The following MYBBP1A variants were observed in gnomAD, a reference collection of about 807,000 sequenced individuals.
The protein encoded by MYBBP1A is MYB binding protein 1a, also known as myb-binding protein 1A.
A neutral mutation model predicts 136.3 loss-of-function variants in MYBBP1A; 147 were observed. That is an observed-to-expected ratio of 1.08 (90% confidence interval 0.94 to 1.24). MYBBP1A has a LOEUF of 1.24. MYBBP1A is among the 50% of genes most tolerant of loss of function. MYBBP1A has a pLI of 0.00. For missense variants in MYBBP1A, 2,060 were observed against 1,727.4 expected, an observed-to-expected ratio of 1.19 and a Z score of -3.41; for synonymous variants, 947 against 735.8, an observed-to-expected ratio of 1.29 and a Z score of -4.65.
Position 4,550,344 on chromosome 17 carries a change from G to A in MYBBP1A, c.1033C>T (p.Gln345Ter), listed in dbSNP as rs1159245477. ...EHVCTAKLPK[Q>*]FKFAPEMDDY... ...TCCATCTCTGGGGCAAACTTGAACT[G>A]CTTTGGGAGCTGCAAGAGTTAGGCA... The change falls in exon 9 of 26, where the codon CAG becomes TAG. Residue 345 changes from glutamine (Q) to a stop codon, truncating the protein, a stop_gained. Coordinates refer to ENST00000254718, the MANE Select transcript of MYBBP1A (RefSeq NM_014520.4). LOFTEE classifies it high-confidence loss of function. The A allele has an allele frequency of 6.2e-7, 1 of 1,610,824 alleles. No individual in the cohort carries two copies. Among genetic ancestry groups the A allele is most frequent in the South Asian group, 1.1e-5 (1 of 90,972 alleles).
At position 4,548,952 on chromosome 17, in the gene MYBBP1A, G is replaced by A. The variant is rs1907257528; in HGVS notation, c.1431-303C>T. On this transcript the variant is annotated intron_variant, in intron 10 of 25. Transcript: ENST00000254718. The surrounding 1 kb of genome is among the most constrained non-coding windows in gnomAD (Gnocchi z 4.2). ...AGGCTGTGTGGTCATGGCCAAGTCA[G>A]GTCACTGCTCCTGCGAACATGGGAC... 6.6e-6 allele frequency among the ~76,000 whole-genome samples: 1 copy of A among 152,250 alleles called. No individual in the cohort carries two copies. The highest frequency in any genetic ancestry group is 2.4e-5 in the African/African-American group (1 of 41,464).
In MYBBP1A at chr17:4,542,515, C is replaced by A. The variant is rs552703584; in HGVS notation, c.3036G>T (p.Leu1012=). ...FSRHPVLCQS[L]LPILVQHITG... ...TGATATGCTGGACCAGGATGGGGAG[C>A]AGGCTCTGACAGAGCACCTGGTGGG... Residue 1012 remains leucine, a synonymous_variant, in exon 22 of 26, where the codon CTG becomes CTT. Coordinates refer to ENST00000254718, the MANE Select transcript of MYBBP1A (RefSeq NM_014520.4). 8.7e-6 allele frequency: 14 copies of A among 1,611,932 alleles called. No individual in the cohort carries two copies. In the East Asian group the frequency reaches 3.1e-4, roughly 36 times the overall value.
intron 15 of MYBBP1A, 52 bp downstream of exon 15, chr17:4,545,558 C>T (rs2306267): frequency 0.61 from 943,165 of 1,535,154 alleles, 305,498 homozygotes; most frequent in Non-Finnish European, 0.67. Flanking sequence ...TGGTGCAGCT[C>T]GCTGCTCAGT....
rs1470510145 is a variant in MYBBP1A, at chr17:4,539,905, C to CTGATGG, written c.3491_3496dup (p.Ile1165_Ser1166insThrIle). On this transcript the variant is annotated inframe_insertion, in exon 26 of 26. Transcript: ENST00000254718. ...GAATCCCTTTTTCTTCCGCTTCTTA[C>CTGATGG]TGATGGGGCTCTGGGTGGCACTGGG... 4.4e-6 allele frequency: 7 copies of CTGATGG among 1,600,612 alleles called. No homozygotes were observed. The highest frequency in any genetic ancestry group is 1.3e-5 in the African/African-American group (1 of 74,910).
chr17:4,554,624 G>C (rs1907862235), intron 2 of MYBBP1A, among the ~76,000 whole-genome samples: 1 of 152,208 alleles, frequency 6.6e-6, no homozygotes, highest in Non-Finnish European at 1.5e-5. Flanking sequence ...CTCCCAGAAA[G>C]TGTACCTAAG....
At chr17:4,543,924 G>C (rs1374935491) in intron 19 of MYBBP1A, among the ~76,000 whole-genome samples, 1 of 152,120 alleles carries the variant, frequency 6.6e-6, no homozygotes, top group East Asian at 1.9e-4. Context: ...ATGCCTCTGT[G>C]GCCTCCAGCA....
rs150880464 is a variant in MYBBP1A, at chr17:4,539,805, G to A, written c.3597C>T (p.Ala1199=). 740 of 1,612,028 alleles carry A rather than the reference G, an allele frequency of 4.6e-4. No homozygotes were observed. The highest frequency in any genetic ancestry group is 5.9e-4 in the Non-Finnish European group (696 of 1,179,986). ...GTPAEDGTPA[A]TGGSQPPSMG... The stretch of plus-strand genomic sequence containing the variant: ...TGCTGGGGGGCTGGCTCCCGCCGGT[G>A]GCTGCAGGTGTGCCATCCTCCGCTG... Residue 1199 remains alanine, a synonymous_variant, in exon 26 of 26, where the codon GCC becomes GCT. Coordinates refer to ENST00000254718, the MANE Select transcript of MYBBP1A (RefSeq NM_014520.4).
At chr17:4,546,592 T>C (rs1012480199) in intron 13 of MYBBP1A, among the ~76,000 whole-genome samples, 2 of 152,220 alleles carry the variant, frequency 1.3e-5, no homozygotes, top group African/African-American at 4.8e-5. Flanking sequence ...AATTCTAGAT[T>C]ATTCCCTCCA....
chr17:4,547,519 A>G (rs972734967), intron 13 of MYBBP1A, among the ~76,000 whole-genome samples: 4 of 152,350 alleles, frequency 2.6e-5, no homozygotes, highest in African/African-American at 2.4e-5. Context: ...AGCAGCCCCA[A>G]TAAGAGCAGC....
At chr17:4,540,299 GGTGTTCCCAGCCCCTACCCAAGGTGT>G (rs750228276) in intron 25 of MYBBP1A, 23 bp downstream of exon 25, 7 of 1,555,620 alleles carry the variant, frequency 4.5e-6, no homozygotes, top group Admixed American at 3.6e-5. Context: ...GCAGCGTGAG[GGTGTTCCCAGCCCCTACCCAAGGTGT>G]GTGTCCCCCT....
At position 4,543,109 on chromosome 17, in the gene MYBBP1A, G is replaced by A. The variant is rs1597379275; in HGVS notation, c.2696C>T (p.Ala899Val). The A allele has an allele frequency of 6.2e-7, 1 of 1,612,276 alleles. No individual in the cohort carries two copies. The highest frequency in any genetic ancestry group is 8.5e-7 in the Non-Finnish European group (1 of 1,179,480). Residue 899 changes from alanine to valine, a missense_variant, in exon 20 of 26, where the codon GCC (alanine) becomes GTC (valine). Physicochemically the swap from Ala to Val is moderately conservative, Grantham distance 64. Coordinates refer to ENST00000254718, the MANE Select transcript of MYBBP1A (RefSeq NM_014520.4). ...YCHDLGERAGALHAQVERLVQ... is the reference protein window; with the variant it reads ...YCHDLGERAGVLHAQVERLVQ... ...CAACCGCTCCACCTGGGCGTGCAGG[G>A]CCCCTGCGCGCTCACCCAAGTCGTG...
intron 19 of MYBBP1A, 113 bp downstream of exon 19, chr17:4,544,376 A>G (rs2144445666): frequency 2.1e-6 from 3 of 1,405,886 alleles, no homozygotes; most frequent in Non-Finnish European, 2.9e-6. Context: ...CTAGGGGCCC[A>G]GGCTGGAAGC....
In MYBBP1A at chr17:4,548,688, C is replaced by T. The variant is rs1371586689; in HGVS notation, c.1431-39G>A. ...GAGAGTGGCCATAGCCATTCACTGC[C>T]ATTGGTTTTTACAGGCTCCCCTCCT... On this transcript the variant is annotated intron_variant, in intron 10 of 25. Coordinates refer to ENST00000254718, the MANE Select transcript of MYBBP1A (RefSeq NM_014520.4). The surrounding 1 kb of genome is among the most constrained non-coding windows in gnomAD (Gnocchi z 4.2). The T allele has an allele frequency of 3.1e-6, 5 of 1,612,844 alleles. No individual in the cohort carries two copies. The Admixed American group carries it at 6.7e-5, about 22-fold the overall frequency.
At chr17:4,545,489 G>A in intron 15 of MYBBP1A, 121 bp downstream of exon 15, 1 of 1,491,890 alleles carries the variant, frequency 6.7e-7, no homozygotes, top group Non-Finnish European at 9.0e-7. Flanking sequence ...GCCTCGTTGA[G>A]ACCCCTCCCA....
At position 4,553,798 on chromosome 17, in the gene MYBBP1A, G is replaced by A. The variant is rs1567614760; in HGVS notation, c.561+12C>T. The A allele has an allele frequency of 6.2e-7, 1 of 1,611,092 alleles. No homozygotes were observed. Among genetic ancestry groups the A allele is most frequent in the Non-Finnish European group, 8.5e-7 (1 of 1,177,564 alleles). ...AGTGTTGCCTGGGCCCGCACAGCTG[G>A]GGAGCTCATACCTCGGAGAGGATGT... On this transcript the variant is annotated intron_variant, in intron 5 of 25. Coordinates refer to ENST00000254718, the MANE Select transcript of MYBBP1A (RefSeq NM_014520.4).
In MYBBP1A at chr17:4,539,050, C is replaced by T. The variant is rs1906074081; in HGVS notation, c.*365G>A. 1.9e-6 allele frequency: 2 copies of T among 1,080,664 alleles called. No homozygotes were observed. The highest frequency in any genetic ancestry group is 2.4e-5 in the East Asian group (1 of 42,454). The allele number at this position is 1,080,664 out of a possible 1,614,324, so 66.9% of individuals were successfully genotyped here. ...TATTTAAATCACCCCCTGGTGGCTC[C>T]CTCACAGCAAAAAAGCCTGGGGGCA... On this transcript the variant is annotated 3_prime_UTR_variant, in exon 26 of 26. Transcript: ENST00000254718.
chr17:4,543,075 C>CT lies in MYBBP1A; in HGVS notation c.2729dup (p.Ala911GlyfsTer30), dbSNP rs1305257518. On this transcript the variant is annotated frameshift_variant, in exon 20 of 26. Transcript: ENST00000254718. LOFTEE classifies it high-confidence loss of function. ...TGGGGGAGTCGGGCTGGCGGCCAGC[C>CT]TGCTGCACCAACCGCTCCACCTGGG... The CT allele has an allele frequency of 6.2e-7, 1 of 1,613,148 alleles. No homozygotes were observed. Among genetic ancestry groups the CT allele is most frequent in the African/African-American group, 1.3e-5 (1 of 74,938 alleles).
chr17:4,540,105 G>C lies in MYBBP1A; in HGVS notation c.3435-138C>G. ...TGAGGCCCCTATGAGGGTCCCGTGA[G>C]GGTCCTATGAGGGTCCTGCGAGGCC... On this transcript the variant is annotated intron_variant, in intron 25 of 25. Transcript: ENST00000254718. 5 of 1,221,658 alleles carry C rather than the reference G, an allele frequency of 4.1e-6. No homozygotes were observed. The South Asian group carries it at 7.3e-5, about 18-fold the overall frequency. The allele number at this position is 1,221,658 out of a possible 1,614,324, so 75.7% of individuals were successfully genotyped here.
At position 4,539,720 on chromosome 17, in the gene MYBBP1A, G is replaced by A. The variant is rs1906174558; in HGVS notation, c.3682C>T (p.Pro1228Ser). Residue 1228 changes from proline to serine, a missense_variant, in exon 26 of 26, where the codon CCA becomes TCA. Physicochemically the swap from Pro to Ser is moderately conservative, Grantham distance 74. Coordinates refer to ENST00000254718, the MANE Select transcript of MYBBP1A (RefSeq NM_014520.4). Reference sequence around the variant, plus strand: ...CCAGGGGCTGGACTCTTGGTGGTTGGCGTCCCGTTTGCCTGGGCTGGGACC... The same window carrying A: ...CCAGGGGCTGGACTCTTGGTGGTTGACGTCCCGTTTGCCTGGGCTGGGACC... ...AKVPAQANGT[P>S]TTKSPAPGAP... is the part of the protein sequence containing the mutation. 6.2e-7 allele frequency: 1 copy of A among 1,609,498 alleles called. No homozygotes were observed.
Sources: allele counts gnomAD v4.1 joint callset (sites outside exome capture counted in the v4.1 genomes callset), GRCh38; gene constraint gnomAD v4.1.1; non-coding constraint Gnocchi (gnomAD v3.1); transcripts MANE v1.5; gene names NCBI Gene and HGNC (gene_info 2026-07-23, HGNC 2026-07-21).